SASH1: variants seen among roughly 807,000 people sequenced by gnomAD.
The protein encoded by SASH1 is SAM and SH3 domain-containing protein 1.
SASH1 carries 44 observed loss-of-function variants against 125.2 expected under a neutral mutation model. That is an observed-to-expected ratio of 0.35 (90% CI 0.28 to 0.45). SASH1 has a LOEUF of 0.45. Ranked by LOEUF, SASH1 falls within the 20% of genes least tolerant of loss-of-function variation. SASH1 has a pLI of 1.00. For missense variants in SASH1, 1,426 were observed against 1,614.5 expected (o/e 0.88, Z 2.00); for synonymous variants, 639 against 649.1 (o/e 0.98, Z 0.24).
chr6:148,393,240 A>G, intron 2 of SASH1, among the ~76,000 whole-genome samples: 1 of 119,274 alleles, frequency 8.4e-6, no homozygotes, highest in East Asian at 2.3e-4. Context: ...TTTTTTTTTT[A>G]GCAGAGACAG....
chr6:148,347,671 C>T (rs1206944110), intron 1 of SASH1, among the ~76,000 whole-genome samples: 1 of 152,190 alleles, frequency 6.6e-6, no homozygotes, highest in African/African-American at 2.4e-5. Context: ...TGCCTATCAG[C>T]TAATGACTTA....
intron 1 of SASH1, among the ~76,000 whole-genome samples, chr6:148,295,834 G>A (rs1213579590): frequency 6.6e-6 from 1 of 152,176 alleles, no homozygotes; most frequent in Non-Finnish European, 1.5e-5. Context: ...TTCACCTGGT[G>A]GGTGGGGACA....
the SASH1 span, among the ~76,000 whole-genome samples, chr6:148,212,821 G>C: frequency 1.3e-5 from 2 of 152,126 alleles, no homozygotes; most frequent in African/African-American, 2.4e-5. Flanking sequence ...AAGTAATATA[G>C]AGAGGAGTTT....
intron 8 of SASH1, among the ~76,000 whole-genome samples, chr6:148,504,555 A>G (rs1006834805): frequency 6.6e-6 from 1 of 151,928 alleles, no homozygotes; most frequent in Non-Finnish European, 1.5e-5. Flanking sequence ...CTATCTCCCA[A>G]TCTGTCCCTC....
At chr6:148,460,564 G>A (rs758910967) in intron 4 of SASH1, among the ~76,000 whole-genome samples, 5 of 152,120 alleles carry the variant, frequency 3.3e-5, no homozygotes, top group African/African-American at 1.2e-4. Context: ...TGAGGTAATC[G>A]ACGGACTCAA....
At chr6:148,234,551 C>T in the SASH1 span, among the ~76,000 whole-genome samples, 2 of 151,882 alleles carry the variant, frequency 1.3e-5, no homozygotes, top group Admixed American at 6.6e-5. Context: ...ACTGGCCGGG[C>T]GTGGTGGCTC....
chr6:148,383,990 T>C (rs1349936604), intron 1 of SASH1, among the ~76,000 whole-genome samples: 1 of 152,096 alleles, frequency 6.6e-6, no homozygotes, highest in Non-Finnish European at 1.5e-5. Flanking sequence ...ATTATACAAG[T>C]TTGTTGTCCG....
chr6:148,382,525 G>C (rs913308383), intron 1 of SASH1, among the ~76,000 whole-genome samples: 2 of 152,152 alleles, frequency 1.3e-5, no homozygotes, highest in African/African-American at 4.8e-5. Context: ...CCCGACCTCA[G>C]GTGATCCACC....
rs1782644816 is a variant in SASH1 at position 148,547,603 on chromosome 6, T to A, written c.3481-692T>A. Among the ~76,000 whole-genome samples, 3 of 152,332 alleles carry A rather than the reference T, an allele frequency of 2.0e-5. 1 individual carries two copies. The South Asian group carries it at 6.2e-4, about 32-fold the overall frequency. On this transcript the variant is annotated intron_variant, in intron 19 of 19. Coordinates refer to ENST00000367467, the MANE Select transcript of SASH1 (RefSeq NM_015278.5). The stretch of plus-strand genomic sequence containing the variant: ...ATTTTAAATAATGTAATGAAGAACA[T>A]CCTTGTTAATAAATCTTTGTAGACT...
At chr6:148,492,300 G>A (rs1442081142) in intron 8 of SASH1, among the ~76,000 whole-genome samples, 1 of 152,200 alleles carries the variant, frequency 6.6e-6, no homozygotes, top group Non-Finnish European at 1.5e-5. Flanking sequence ...CCTTTCAGAG[G>A]GCTGGTCAGA....
intron 1 of SASH1, among the ~76,000 whole-genome samples, chr6:148,294,888 C>G (rs374571161): frequency 6.6e-6 from 1 of 152,308 alleles, no homozygotes; most frequent in South Asian, 2.1e-4. Context: ...TCCCTGTGCT[C>G]TATATTGACA....
At chr6:148,474,911 T>A (rs76180092) in intron 7 of SASH1, among the ~76,000 whole-genome samples, 2,486 of 152,314 alleles carry the variant, frequency 0.016, 63 homozygotes, top group African/African-American at 0.055. Flanking sequence ...ACAAACTGAA[T>A]TTTGAATAAT....
chr6:148,405,148 A>C (rs74792297), intron 2 of SASH1, among the ~76,000 whole-genome samples: 381 of 151,448 alleles, frequency 2.5e-3, no homozygotes, highest in Non-Finnish European at 4.0e-3. Flanking sequence ...CCTACTCCAC[A>C]CCCTGGACAT....
At chr6:148,458,348 G>C (rs1264375140) in intron 4 of SASH1, among the ~76,000 whole-genome samples, 1 of 152,138 alleles carries the variant, frequency 6.6e-6, no homozygotes. Context: ...ACTGACACTT[G>C]GCCTCAACTA....
At chr6:148,379,390 T>G (rs552705243) in intron 1 of SASH1, among the ~76,000 whole-genome samples, 18 of 152,270 alleles carry the variant, frequency 1.2e-4, no homozygotes, top group African/African-American at 4.3e-4. Flanking sequence ...GATCTTCGTT[T>G]GTTATTGTTT....
intron 9 of SASH1, among the ~76,000 whole-genome samples, chr6:148,517,789 A>G (rs79014347): frequency 1.1e-3 from 170 of 152,314 alleles, no homozygotes; most frequent in Non-Finnish European, 1.9e-3. Context: ...TCTGACAACA[A>G]TCCTAAGCAC....
At chr6:148,446,478 G>T (rs1299951034) in intron 4 of SASH1, among the ~76,000 whole-genome samples, 1 of 152,078 alleles carries the variant, frequency 6.6e-6, no homozygotes, top group Non-Finnish European at 1.5e-5. Flanking sequence ...TCTATGAAAA[G>T]TTTAACTTTT....
the SASH1 span, among the ~76,000 whole-genome samples, chr6:148,249,972 T>A: frequency 1.3e-5 from 2 of 152,162 alleles, no homozygotes; most frequent in African/African-American, 4.8e-5. Flanking sequence ...AAGGCAGGTG[T>A]TTGATAAATA....
intron 1 of SASH1, among the ~76,000 whole-genome samples, chr6:148,370,332 A>G (rs1782660688): frequency 6.6e-6 from 1 of 152,202 alleles, no homozygotes. Flanking sequence ...TCAGGAGGAA[A>G]TTTACACAGA....
Sources: allele counts gnomAD v4.1 joint callset (sites outside exome capture counted in the v4.1 genomes callset), GRCh38; gene constraint gnomAD v4.1.1; transcripts MANE v1.5; gene names NCBI Gene and HGNC (gene_info 2026-07-23, HGNC 2026-07-21).